Variants in BCL2L12 observed in about 807,000 individuals in gnomAD.
BCL2L12 encodes the protein BCL2 like 12, also known as bcl-2-like protein 12.
In BCL2L12, 27 loss-of-function variants were observed where a neutral mutation model predicts 25.7. The ratio of observed to expected loss-of-function variants is 1.05; its 90% CI spans 0.78 to 1.45. The LOEUF (loss-of-function observed/expected upper bound fraction) is 1.45, where lower values mean the gene tolerates loss of function less well. Ranked by LOEUF, BCL2L12 falls within the 40% of genes most tolerant of loss-of-function variation. BCL2L12 has a pLI of 0.00. For missense variants in BCL2L12, 302 were observed against 329.8 expected, an observed-to-expected ratio of 0.92 and a Z score of 0.65; for synonymous variants, 132 against 145.6, an observed-to-expected ratio of 0.91 and a Z score of 0.67.
chr19:49,670,340 C>G lies in BCL2L12; in HGVS notation c.554C>G (p.Pro185Arg), dbSNP rs2081932944. The G allele has an allele frequency of 5.6e-6, 9 of 1,600,802 alleles. No individual in the cohort carries two copies. The highest frequency in any genetic ancestry group is 1.7e-5 in the Admixed American group (1 of 58,790). ...CGCCCAAGCCGAGCATGCCCCGGGC[C>G]CCCGCCTCCTTCCCCGGAGCCCCTG... ...SSRPSRACPGPPPPSPEPLAR... is the reference protein window; with the variant it reads ...SSRPSRACPGRPPPSPEPLAR... The change falls in exon 6 of 7, where the codon CCC (proline) becomes CGC (arginine). Residue 185 changes from proline (P) to arginine (R), a missense_variant. Transcript: ENST00000246784.
Position 49,670,257 on chromosome 19 carries a change from G to T in BCL2L12, c.471G>T (p.Leu157=). The change falls in exon 6 of 7, where the codon CTG becomes CTT. Residue 157 remains leucine, a synonymous_variant. Coordinates refer to ENST00000246784, the MANE Select transcript of BCL2L12 (RefSeq NM_138639.2). The part of the protein sequence containing the change: ...DPALRSKLVR[L]SSDSFARLVE... ...CCCTGCGCAGCAAGCTGGTCCGCCTGTCCTCCGACTCTTTCGCCCGCCTGG... is the reference window on the plus strand; with the variant it reads ...CCCTGCGCAGCAAGCTGGTCCGCCTTTCCTCCGACTCTTTCGCCCGCCTGG... The T allele has an allele frequency of 6.2e-7, 1 of 1,610,126 alleles. No homozygotes were observed.
At chr19:49,670,561 T>A (rs2081941147) in intron 6 of BCL2L12, 73 bp downstream of exon 6, 2 of 1,498,260 alleles carry the variant, frequency 1.3e-6, no homozygotes, top group Non-Finnish European at 1.8e-6. Flanking sequence ...GGGCGGGGAC[T>A]TCTTAGGTTC....
rs746218557 is a variant in BCL2L12 at position 49,665,937 on chromosome 19, T to C, written c.-139T>C. On this transcript the variant is annotated 5_prime_UTR_variant, in exon 1 of 7. Transcript: ENST00000246784. ...AGCGTGCACCCAGCGTTCCGCCCTT[T>C]CTACGCTGGGCCGGTTATCGACCCG... The C allele has an allele frequency of 1.9e-6, 3 of 1,613,790 alleles. No individual in the cohort carries two copies. Among genetic ancestry groups the C allele is most frequent in the South Asian group, 2.2e-5 (2 of 91,068 alleles).
upstream of BCL2L12, chr19:49,665,916 T>C: frequency 6.2e-7 from 1 of 1,613,696 alleles, no homozygotes; most frequent in Non-Finnish European, 8.5e-7. Flanking sequence ...AAATTGAGCG[T>C]GCACCCAGCG....
chr19:49,666,775 G>T lies in BCL2L12; in HGVS notation c.83G>T (p.Gly28Val). 1.3e-6 allele frequency: 2 copies of T among 1,559,556 alleles called. No homozygotes were observed. Among genetic ancestry groups the T allele is most frequent in the East Asian group, 2.4e-5 (1 of 41,722 alleles). ...AAFLRRGEAA[G>V]SPVPTPPRSP... ...TTCCTTAGGCGTGGTGAGGCTGCCG[G>T]GTCTCCTGTTCCAACTCCACCTAGG... is the stretch of plus-strand genomic sequence containing the variant. Residue 28 changes from glycine to valine, a missense_variant, in exon 2 of 7, where the codon GGG (glycine) becomes GTG (valine). By Grantham distance (109) the Gly-to-Val change is moderately radical. Coordinates refer to ENST00000246784, the MANE Select transcript of BCL2L12 (RefSeq NM_138639.2).
upstream of BCL2L12, chr19:49,665,361 G>C (rs2081635306): frequency 5.7e-6 from 1 of 173,986 alleles, no homozygotes; most frequent in South Asian, 1.2e-4. Context: ...GCACGCCCCA[G>C]GTTTCGAGAC....
chr19:49,665,222 A>C, upstream of BCL2L12: 1 of 212,656 alleles, frequency 4.7e-6, no homozygotes, highest in Non-Finnish European at 9.6e-6. Context: ...GTAAGCCTCT[A>C]CCTCCTGCAC....
rs755126865 is a variant in BCL2L12, at chr19:49,669,061, A to G, written c.375A>G (p.Ile125Met). The part of the protein sequence containing the change: ...QGPPSTEKEA[I>M]LRRLVALLEE... ...CCCCATCGACAGAGAAGGAAGCCAT[A>G]CTGCGGAGGCTGGTGGCCCTGCTGG... is the stretch of plus-strand genomic sequence containing the variant. Residue 125 changes from isoleucine (I) to methionine (M), a missense_variant, in exon 5 of 7, where the codon ATA becomes ATG. Physicochemically the swap from Ile to Met is conservative, Grantham distance 10. Transcript: ENST00000246784. The G allele has an allele frequency of 1.2e-6, 2 of 1,614,154 alleles. No individual in the cohort carries two copies. The highest frequency in any genetic ancestry group is 1.3e-5 in the African/African-American group (1 of 75,068).
rs1042579266 is a variant in BCL2L12, at chr19:49,667,849, C to T, written c.250+688C>T. 3.9e-5 allele frequency among the ~76,000 whole-genome samples: 6 copies of T among 152,234 alleles called. 1 individual carries two copies. Among genetic ancestry groups the T allele is most frequent in the Admixed American group, 2.0e-4 (3 of 15,290 alleles). ...AGGCTGGAGTGCAGGGGTGCAATCT[C>T]GACTCACTGCAATCCCCACCTCCTG... On this transcript the variant is annotated intron_variant, in intron 3 of 6. Coordinates refer to ENST00000246784, the MANE Select transcript of BCL2L12 (RefSeq NM_138639.2).
At chr19:49,667,307 T>C (rs889941892) in intron 3 of BCL2L12, 146 bp downstream of exon 3, 13 of 1,194,576 alleles carry the variant, frequency 1.1e-5, no homozygotes, top group East Asian at 4.8e-5. Context: ...CCTCCCCAGT[T>C]AGATTTCTGT....
chr19:49,668,092 C>CCT (rs2081861674), intron 3 of BCL2L12, among the ~76,000 whole-genome samples: 1 of 125,390 alleles, frequency 8.0e-6, no homozygotes, highest in African/African-American at 3.0e-5. Context: ...CTCTGACATT[C>CCT]TTTTTTTTTT....
chr19:49,667,164 A>T lies in BCL2L12; in HGVS notation c.250+3A>T. On this transcript the variant is annotated splice_donor_region_variant and intron_variant, in intron 3 of 6. Transcript: ENST00000246784. The stretch of plus-strand genomic sequence containing the variant: ...CCCCTGCTATGGTTTAGAGCCTGGT[A>T]AGAGATTTCCATGATCATCTATGAA... The T allele has an allele frequency of 6.2e-7, 1 of 1,609,236 alleles. No homozygotes were observed. Among genetic ancestry groups the T allele is most frequent in the Non-Finnish European group, 8.5e-7 (1 of 1,176,060 alleles).
intron 3 of BCL2L12, 129 bp from the exon 4 acceptor site, chr19:49,668,722 A>T: frequency 2.0e-6 from 2 of 979,662 alleles, no homozygotes; most frequent in Non-Finnish European, 3.0e-6. Flanking sequence ...TCCGTTTCCC[A>T]AAATCAATAC....
Position 49,670,225 on chromosome 19 carries a change from G to C in BCL2L12, c.439G>C (p.Asp147His). ...AEVINQKLAS[D>H]PALRSKLVRL... ...CTCTTCCACCCTACAGCTGGCCTCG[G>C]ACCCCGCCCTGCGCAGCAAGCTGGT... The change falls in exon 6 of 7, where the codon GAC becomes CAC. Residue 147 changes from aspartate (D) to histidine (H), a missense_variant. Transcript: ENST00000246784. The C allele has an allele frequency of 2.5e-6, 4 of 1,605,854 alleles. No homozygotes were observed. The highest frequency in any genetic ancestry group is 3.4e-6 in the Non-Finnish European group (4 of 1,179,392).
At position 49,666,709 on chromosome 19, in the gene BCL2L12, A is replaced by G. The variant is rs565456485; in HGVS notation, c.17A>G (p.Glu6Gly). 1 of 1,553,992 alleles carries G rather than the reference A, an allele frequency of 6.4e-7. No homozygotes were observed. Among genetic ancestry groups the G allele is most frequent in the African/African-American group, 1.4e-5 (1 of 73,232 alleles). ...GGTGCCTCCATGGCAGGCTCTGAAG[A>G]GCTGGGGCTCCGGGAAGACACGCTG... Reference protein sequence around the residue: MAGSEELGLREDTLRV... With the variant: MAGSEGLGLREDTLRV... Residue 6 changes from glutamate (E) to glycine (G), a missense_variant, in exon 2 of 7, where the codon GAG becomes GGG. Physicochemically the swap from Glu to Gly is moderately conservative, Grantham distance 98 (BLOSUM62 -2). Coordinates refer to ENST00000246784, the MANE Select transcript of BCL2L12 (RefSeq NM_138639.2).
At position 49,667,974 on chromosome 19, in the gene BCL2L12, T is replaced by C. The variant is rs560979201; in HGVS notation, c.250+813T>C. Among the ~76,000 whole-genome samples the C allele has an allele frequency of 6.6e-5, 10 of 152,224 alleles. No individual in the cohort carries two copies. In the East Asian group the frequency reaches 1.5e-3, roughly 24 times the overall value. On this transcript the variant is annotated intron_variant, in intron 3 of 6. Coordinates refer to ENST00000246784, the MANE Select transcript of BCL2L12 (RefSeq NM_138639.2). ...TTTATACTTTTAGTAGACACGGGGT[T>C]TCGCCACGTTGGCCAGGCTGGCCTC...
At position 49,668,824 on chromosome 19, in the gene BCL2L12, A is replaced by G. The variant is rs1424980865; in HGVS notation, c.251-27A>G. 4 of 1,597,200 alleles carry G rather than the reference A, an allele frequency of 2.5e-6. No individual in the cohort carries two copies. In the Admixed American group the frequency reaches 5.0e-5, roughly 20 times the overall value. On this transcript the variant is annotated intron_variant, in intron 3 of 6. Coordinates refer to ENST00000246784, the MANE Select transcript of BCL2L12 (RefSeq NM_138639.2). ...TCCGTAAGTTTCCAATGTCCTGGAA[A>G]CCTGTCATTAACTCTTTTCACCCCA...
intron 3 of BCL2L12, among the ~76,000 whole-genome samples, chr19:49,668,649 G>A (rs1420515045): frequency 2.6e-5 from 4 of 152,074 alleles, no homozygotes; most frequent in Non-Finnish European, 5.9e-5. Context: ...AATTAGCCAG[G>A]TATGGCGGCG....
chr19:49,665,513 T>C (rs567545391), upstream of BCL2L12: 4 of 290,750 alleles, frequency 1.4e-5, no homozygotes, highest in South Asian at 2.0e-4. Context: ...AGCTCCTTCC[T>C]TGCTCCACTT....
Sources: gnomAD v4.1 joint callset for allele counts (sites outside exome capture counted in the v4.1 genomes callset) on GRCh38, gnomAD v4.1.1 for gene constraint, MANE v1.5 for transcripts, NCBI Gene and HGNC (gene_info 2026-07-23, HGNC 2026-07-21) for gene names.